The following SV2C variants were observed in gnomAD, a reference collection of about 807,000 sequenced individuals.
SV2C encodes solute carrier family 22 member B3.
In SV2C, 49 loss-of-function variants were observed where a neutral mutation model predicts 79.7. That is an observed-to-expected ratio of 0.61 (90% confidence interval 0.49 to 0.78). The LOEUF (loss-of-function observed/expected upper bound fraction) is 0.78. SV2C is among the 30% of genes least tolerant of loss of function. The pLI, the probability that SV2C is intolerant of heterozygous loss-of-function variation, is 0.00. For missense variants in SV2C, 833 were observed against 912.9 expected, an observed-to-expected ratio of 0.91 and a Z score of 1.13; for synonymous variants, 334 against 333.2, an observed-to-expected ratio of 1.00 and a Z score of -0.03.
intron 1 of SV2C, chr5:76,091,714 C>T (rs1387309772): frequency 6.6e-6 from 1 of 151,026 alleles, no homozygotes; most frequent in Admixed American, 6.6e-5. Flanking sequence ...TTTTTTTAAG[C>T]CTACAGCTCA....
rs1749076910 is a variant in SV2C at position 76,328,539 on chromosome 5, G to C, written c.*2992G>C. On this transcript the variant is annotated 3_prime_UTR_variant, in exon 13 of 13. Coordinates refer to ENST00000502798, the MANE Select transcript of SV2C (RefSeq NM_014979.4). The stretch of plus-strand genomic sequence containing the variant: ...CTGCTGCCTGAATCATCTCACACCA[G>C]AGTACAGACCTTGGAGACGCGATAG... 6.6e-6 allele frequency: 1 copy of C among 152,224 alleles called. No individual in the cohort carries two copies. Among genetic ancestry groups the C allele is most frequent in the African/African-American group, 2.4e-5 (1 of 41,432 alleles). The allele number at this position is 152,224 out of a possible 1,614,324, so 9.4% of individuals were successfully genotyped here.
the SV2C span, among the ~76,000 whole-genome samples, chr5:75,954,857 AAG>A: frequency 7.0e-6 from 1 of 142,768 alleles, no homozygotes; most frequent in East Asian, 2.0e-4. Flanking sequence ...GGACCTCTTC[AAG>A]GAGAACTACA....
At position 76,146,995 on chromosome 5, in the gene SV2C, G is replaced by A. The variant is rs558456602; in HGVS notation, c.580+14665G>A. Among the ~76,000 whole-genome samples, 110 of 152,204 alleles carry A rather than the reference G, an allele frequency of 7.2e-4. 1 individual carries two copies. The highest frequency in any genetic ancestry group is 9.9e-4 in the Non-Finnish European group (67 of 68,020). The stretch of plus-strand genomic sequence containing the variant: ...TATCTAGAATAGGCAAACTCATGGA[G>A]ATGGGGAATGGATTAGAATTATGAG... On this transcript the variant is annotated intron_variant, in intron 2 of 12. Transcript: ENST00000502798.
At chr5:76,226,285 A>G (rs959888937) in intron 4 of SV2C, among the ~76,000 whole-genome samples, 2 of 151,412 alleles carry the variant, frequency 1.3e-5, no homozygotes, top group African/African-American at 4.8e-5. Context: ...CAACTTAAAT[A>G]TCCTAGGAAC....
At chr5:76,008,049 C>A in the SV2C span, among the ~76,000 whole-genome samples, 3 of 152,126 alleles carry the variant, frequency 2.0e-5, no homozygotes, top group Admixed American at 2.0e-4. Flanking sequence ...TGTAGGCAAG[C>A]TACTAGATTC....
At chr5:76,339,196 A>G (rs1749389894) in intron 12 of SV2C, among the ~76,000 whole-genome samples, 1 of 152,208 alleles carries the variant, frequency 6.6e-6, no homozygotes, top group African/African-American at 2.4e-5. Context: ...ATTTTAAAAA[A>G]ACTGATAAAT....
chr5:76,303,335 A>C (rs1748074276), intron 12 of SV2C, among the ~76,000 whole-genome samples: 1 of 152,218 alleles, frequency 6.6e-6, no homozygotes, highest in Admixed American at 6.5e-5. Context: ...GCTTTCTTTC[A>C]TCAACCTCTC....
At chr5:75,908,800 G>C in the SV2C span, among the ~76,000 whole-genome samples, 1 of 152,192 alleles carries the variant, frequency 6.6e-6, no homozygotes, top group Non-Finnish European at 1.5e-5. Flanking sequence ...GGCTCCACCA[G>C]CCTCAAACAG....
At chr5:75,982,220 T>TAA in the SV2C span, among the ~76,000 whole-genome samples, 3 of 143,690 alleles carry the variant, frequency 2.1e-5, no homozygotes, top group African/African-American at 8.2e-5. Context: ...CCCTAAAACT[T>TAA]AATTAAAAAA....
At chr5:76,269,930 A>G (rs1746788402) in intron 4 of SV2C, among the ~76,000 whole-genome samples, 2 of 152,152 alleles carry the variant, frequency 1.3e-5, no homozygotes, top group African/African-American at 4.8e-5. Context: ...AGGACCAATC[A>G]TTTCCACATT....
chr5:75,973,142 C>A, the SV2C span, among the ~76,000 whole-genome samples: 1 of 151,200 alleles, frequency 6.6e-6, no homozygotes, highest in Middle Eastern at 3.4e-3. Context: ...CACATGGACA[C>A]AGGAAGGGGA....
chr5:76,301,416 G>A lies in SV2C; in HGVS notation c.1871G>A (p.Cys624Tyr), dbSNP rs1170985439. The part of the protein sequence containing the change: ...GGSMVLSGIS[C>Y]FFLWFGTSES... The stretch of plus-strand genomic sequence containing the variant: ...TCTATGGTGCTTTCGGGGATCAGCT[G>A]TTTCTTCCTTTGGTTCGGCACCAGT... Residue 624 changes from cysteine to tyrosine, a missense_variant, in exon 12 of 13, where the codon TGT becomes TAT. Transcript: ENST00000502798. The A allele has an allele frequency of 2.5e-6, 4 of 1,614,058 alleles. No individual in the cohort carries two copies. The South Asian group carries it at 4.4e-5, about 18-fold the overall frequency.
the SV2C span, among the ~76,000 whole-genome samples, chr5:75,864,094 A>G: frequency 0.26 from 39,512 of 151,976 alleles, 7,702 homozygotes; most frequent in African/African-American, 0.55. Flanking sequence ...AAAAGACATG[A>G]GAAACAACAT....
chr5:76,348,181 C>T (rs1312208367), intron 12 of SV2C, among the ~76,000 whole-genome samples: 1 of 152,122 alleles, frequency 6.6e-6, no homozygotes, highest in African/African-American at 2.4e-5. Flanking sequence ...AGTATGTAGC[C>T]TTTTCAGATT....
intron 4 of SV2C, among the ~76,000 whole-genome samples, chr5:76,228,193 A>G (rs1745311830): frequency 6.6e-6 from 1 of 152,172 alleles, no homozygotes; most frequent in African/African-American, 2.4e-5. Context: ...GCATTCATTA[A>G]GTACTGCACC....
At position 76,342,886 on chromosome 5, in the gene SV2C, C is replaced by CTTT. The variant is rs35379719; in HGVS notation, c.2001-10230_2001-10228dup. Among the ~76,000 whole-genome samples, 20 of 138,842 alleles carry CTTT rather than the reference C, an allele frequency of 1.4e-4. No individual in the cohort carries two copies. The East Asian group carries it at 3.2e-3, about 22-fold the overall frequency. 91.1% of individuals were successfully genotyped at this position (138,842 alleles called of 152,430 possible). A position where few individuals can be genotyped will look rare whatever the true frequency, so the allele number is the denominator to read the frequency against. On this transcript the variant is annotated intron_variant, in intron 12 of 12. Transcript: ENST00000322285. ...TAGAACACATTGTCTCTCTCTCTCT[C>CTTT]TTTTTTTTTTTTTTTTGATAGAGAT...
chr5:76,186,260 G>A (rs555404190), intron 2 of SV2C, among the ~76,000 whole-genome samples: 1 of 152,300 alleles, frequency 6.6e-6, no homozygotes, highest in South Asian at 2.1e-4. Flanking sequence ...TCCAGCAACT[G>A]GCTGGTACCC....
chr5:76,007,993 G>A, the SV2C span, among the ~76,000 whole-genome samples: 17 of 152,116 alleles, frequency 1.1e-4, no homozygotes, highest in South Asian at 4.1e-4. Flanking sequence ...ACCTAATGCC[G>A]GTGGCAACAG....
At chr5:75,994,172 C>G in the SV2C span, among the ~76,000 whole-genome samples, 1 of 151,930 alleles carries the variant, frequency 6.6e-6, no homozygotes, top group Non-Finnish European at 1.5e-5. Context: ...TACACATGAG[C>G]AAATTTAAAA....
Sources: gnomAD v4.1 joint callset for allele counts (sites outside exome capture counted in the v4.1 genomes callset) on GRCh38, gnomAD v4.1.1 for gene constraint, MANE v1.5 for transcripts, NCBI Gene and HGNC (gene_info 2026-07-23, HGNC 2026-07-21) for gene names.